XRRA1: variants seen among roughly 807,000 people sequenced by gnomAD.
XRRA1 encodes X-ray radiation resistance-associated protein 1.
XRRA1 carries 69 observed loss-of-function variants against 80.2 expected under a neutral mutation model. That is an observed-to-expected ratio of 0.86 (90% CI 0.71 to 1.05). The LOEUF (loss-of-function observed/expected upper bound fraction) is 1.05. Ranked by LOEUF, XRRA1 falls within the 50% of genes least tolerant of loss-of-function variation. XRRA1 has a pLI of 0.00. For missense variants in XRRA1, 967 were observed against 976.4 expected (o/e 0.99, Z 0.13); for synonymous variants, 348 against 389.9 (o/e 0.89, Z 1.27).
chr11:74,861,834 A>G (rs2042375315), intron 11 of XRRA1, among the ~76,000 whole-genome samples: 2 of 152,098 alleles, frequency 1.3e-5, no homozygotes, highest in African/African-American at 4.8e-5. Flanking sequence ...AAACTCTTGA[A>G]TTTATCACCA....
chr11:74,948,758 A>C (rs1339052838), intron 1 of XRRA1, among the ~76,000 whole-genome samples, 170 bp downstream of exon 1: 2 of 152,226 alleles, frequency 1.3e-5, no homozygotes, highest in Admixed American at 1.3e-4. Flanking sequence ...GTTCTCCGTT[A>C]ACACGAAAAC....
At chr11:74,878,289 T>C (rs1196907871) in intron 10 of XRRA1, among the ~76,000 whole-genome samples, 14 of 151,730 alleles carry the variant, frequency 9.2e-5, no homozygotes, top group South Asian at 2.1e-4. Context: ...TCATATCCTT[T>C]GCCCACTTTT....
intron 9 of XRRA1, chr11:74,906,787 T>C: frequency 2.5e-6 from 1 of 394,066 alleles, no homozygotes; most frequent in South Asian, 4.5e-5. Context: ...ACTATTTTCT[T>C]TACTTCAGTT....
At chr11:74,848,755 C>T (rs548143054) in intron 14 of XRRA1, among the ~76,000 whole-genome samples, 116 of 152,256 alleles carry the variant, frequency 7.6e-4, no homozygotes, top group African/African-American at 2.7e-3. Context: ...AGTGATTTGG[C>T]GGTAGTGCCT....
chr11:74,859,104 A>G, intron 12 of XRRA1, 54 bp downstream of exon 12: 1 of 1,526,590 alleles, frequency 6.6e-7, no homozygotes, highest in South Asian at 1.3e-5. Context: ...AGCAACTTGC[A>G]TCCCACCTTC....
chr11:74,886,668 C>T (rs1271746714), intron 10 of XRRA1, among the ~76,000 whole-genome samples: 1 of 152,088 alleles, frequency 6.6e-6, no homozygotes, highest in East Asian at 1.9e-4. Flanking sequence ...CAATGCTATT[C>T]CTATCAAACT....
At chr11:74,900,373 G>A (rs533245090) in intron 10 of XRRA1, among the ~76,000 whole-genome samples, 6 of 151,834 alleles carry the variant, frequency 4.0e-5, no homozygotes, top group African/African-American at 7.2e-5. Context: ...ACCTGAGGTC[G>A]GGAGTTCAAG....
At chr11:74,866,485 G>A (rs1018704842) in intron 10 of XRRA1, among the ~76,000 whole-genome samples, 6 of 151,844 alleles carry the variant, frequency 4.0e-5, no homozygotes, top group Non-Finnish European at 8.8e-5. Flanking sequence ...TGAACTCCTG[G>A]GCTCAAGCAA....
intron 10 of XRRA1, among the ~76,000 whole-genome samples, chr11:74,877,826 T>A (rs1590888402): frequency 6.6e-6 from 1 of 152,168 alleles, no homozygotes; most frequent in Non-Finnish European, 1.5e-5. Flanking sequence ...TATTCTATGG[T>A]GTTTATGTGC....
chr11:74,848,812 C>T (rs899664691), intron 14 of XRRA1, among the ~76,000 whole-genome samples: 4 of 152,206 alleles, frequency 2.6e-5, no homozygotes, highest in African/African-American at 9.7e-5. Context: ...TGCTGCATCC[C>T]TGACCATACG....
At chr11:74,941,462 C>A (rs1946324993) in intron 2 of XRRA1, among the ~76,000 whole-genome samples, 2 of 152,078 alleles carry the variant, frequency 1.3e-5, no homozygotes. Context: ...CAGCAAGGGC[C>A]ACAGGAGGGC....
chr11:74,911,189 A>G (rs764338853), intron 8 of XRRA1: 3 of 152,238 alleles, frequency 2.0e-5, no homozygotes, highest in Non-Finnish European at 4.4e-5. Flanking sequence ...CTGAATCTAG[A>G]TAGATGAGTG....
chr11:74,866,945 A>C (rs547153357), intron 10 of XRRA1, among the ~76,000 whole-genome samples: 11 of 152,188 alleles, frequency 7.2e-5, no homozygotes, highest in Non-Finnish European at 1.6e-4. Flanking sequence ...GAATAACAGA[A>C]AACTTTCCAA....
At chr11:74,933,746 G>T (rs1944228879) in intron 5 of XRRA1, 55 bp downstream of exon 5, 1 of 1,513,384 alleles carries the variant, frequency 6.6e-7, no homozygotes, top group Non-Finnish European at 9.0e-7. Flanking sequence ...CAACAGCCAG[G>T]TGCGCCACCT....
At chr11:74,916,186 G>A (rs899807769) in intron 8 of XRRA1, among the ~76,000 whole-genome samples, 1 of 152,124 alleles carries the variant, frequency 6.6e-6, no homozygotes, top group African/African-American at 2.4e-5. Context: ...TGAGCCTCAT[G>A]TATGTTTATA....
intron 12 of XRRA1, among the ~76,000 whole-genome samples, chr11:74,857,114 G>T (rs80019425): frequency 6.6e-6 from 1 of 152,068 alleles, no homozygotes; most frequent in Non-Finnish European, 1.5e-5. Context: ...CTACTGCTAG[G>T]GGGAGGAACA....
At chr11:74,899,597 C>T (rs181189853) in intron 10 of XRRA1, among the ~76,000 whole-genome samples, 2 of 152,190 alleles carry the variant, frequency 1.3e-5, no homozygotes, top group East Asian at 3.9e-4. Flanking sequence ...TGAAGAAATT[C>T]AGAGGATCAT....
At chr11:74,934,996 T>C (rs771439255) in intron 4 of XRRA1, among the ~76,000 whole-genome samples, 1 of 152,200 alleles carries the variant, frequency 6.6e-6, no homozygotes, top group Non-Finnish European at 1.5e-5. Flanking sequence ...TTCACATTTC[T>C]CCAAATGGAA....
intron 10 of XRRA1, among the ~76,000 whole-genome samples, chr11:74,881,738 A>T (rs2047647632): frequency 1.3e-5 from 2 of 151,550 alleles, no homozygotes; most frequent in South Asian, 2.1e-4. Context: ...GCTTGTCTGT[A>T]AAGGATTTTA....
Sources: gnomAD v4.1 joint callset for allele counts (sites outside exome capture counted in the v4.1 genomes callset) on GRCh38, gnomAD v4.1.1 for gene constraint, MANE v1.5 for transcripts, NCBI Gene and HGNC (gene_info 2026-07-23, HGNC 2026-07-21) for gene names.